RAG1: variants seen among roughly 807,000 people sequenced by gnomAD.
The protein encoded by RAG1 is recombination activating 1, also known as V(D)J recombination-activating protein 1.
A neutral mutation model predicts 62.7 loss-of-function variants in RAG1; 35 were observed. That is an observed-to-expected ratio of 0.56 (90% CI 0.43 to 0.74). The LOEUF (loss-of-function observed/expected upper bound fraction) is 0.74, where lower values mean the gene tolerates loss of function less well. Among genes scored for constraint, RAG1 ranks in the 30% least tolerant of loss-of-function variants. RAG1 has a pLI of 0.00. For synonymous variants in RAG1, 461 were observed against 470.3 expected (o/e 0.98, Z 0.26); for missense variants, 1,169 against 1,278.6 (o/e 0.91, Z 1.31).
At chr11:36,526,142 T>G (rs564286571) in intron 2 of RAG1, among the ~76,000 whole-genome samples, 1 of 152,276 alleles carries the variant, frequency 6.6e-6, no homozygotes, top group South Asian at 2.1e-4. Flanking sequence ...CGTGCAGGTT[T>G]GTTACATAGG....
intron 3 of RAG1, among the ~76,000 whole-genome samples, chr11:36,541,216 A>G (rs899737332): frequency 3.3e-5 from 5 of 152,178 alleles, no homozygotes; most frequent in African/African-American, 1.2e-4. Flanking sequence ...CAATCCTGCC[A>G]CCCACTGGGC....
At chr11:36,523,767 G>A (rs1467813438) in intron 2 of RAG1, among the ~76,000 whole-genome samples, 3 of 152,064 alleles carry the variant, frequency 2.0e-5, no homozygotes, top group African/African-American at 7.2e-5. Context: ...TCAATTTTGA[G>A]ATCATTGTAA....
Position 36,575,749 on chromosome 11 carries a change from AG to A in RAG1, c.2449del (p.Glu817LysfsTer28). 2 of 1,614,232 alleles carry A rather than the reference AG, an allele frequency of 1.2e-6. No homozygotes were observed. Among genetic ancestry groups the A allele is most frequent in the Non-Finnish European group, 1.7e-6 (2 of 1,180,018 alleles). On this transcript the variant is annotated frameshift_variant, in exon 2 of 2. Coordinates refer to ENST00000299440, the MANE Select transcript of RAG1 (RefSeq NM_000448.3). LOFTEE classifies it high-confidence loss of function. This position sits in a 1 kb window ranked among gnomAD's most constrained non-coding sequence, Gnocchi z 4.1. ...TCTACAAGATCTTCCAGCTAGAGAT[AG>A]GGGAAGTGTATAAGAATCCCAATGC... ...EFYKIFQLEI[G>X]EVYKNPNASK... is the part of the protein sequence containing the mutation.
chr11:36,550,195 T>C (rs1850462661), intron 3 of RAG1, among the ~76,000 whole-genome samples: 1 of 152,094 alleles, frequency 6.6e-6, no homozygotes, highest in African/African-American at 2.4e-5. Flanking sequence ...CAAACCACCA[T>C]GGCAAGTGTA....
chr11:36,575,176 T>A lies in RAG1; in HGVS notation c.1872T>A (p.Arg624=). The A allele has an allele frequency of 6.2e-7, 1 of 1,614,182 alleles. No homozygotes were observed. Residue 624 remains arginine, a synonymous_variant, in exon 2 of 2, where the codon CGT becomes CGA. Transcript: ENST00000299440. The surrounding 1 kb of genome is among the most constrained non-coding windows in gnomAD (Gnocchi z 4.1). ...SGPVVPEKAV[R]FSFTIMKITI... is the part of the protein sequence containing the mutation. ...CTGTAGTTCCAGAAAAGGCAGTCCG[T>A]TTTTCATTCACAATCATGAAAATTA...
chr11:36,547,075 C>T (rs1051564613), intron 3 of RAG1, among the ~76,000 whole-genome samples: 2 of 151,866 alleles, frequency 1.3e-5, no homozygotes, highest in African/African-American at 4.8e-5. Flanking sequence ...GTGGTGTTCT[C>T]TGTAGTTCCT....
chr11:36,566,050 CA>C (rs1323888286), upstream of RAG1, among the ~76,000 whole-genome samples: 1 of 151,610 alleles, frequency 6.6e-6, no homozygotes, highest in African/African-American at 2.4e-5. Flanking sequence ...AAAAATTGAG[CA>C]ATACAGAAAT....
chr11:36,578,832 A>C lies in RAG1; in HGVS notation c.*2396A>C, dbSNP rs1850891916. The C allele has an allele frequency of 6.0e-6, 1 of 167,092 alleles. No homozygotes were observed. Among genetic ancestry groups the C allele is most frequent in the South Asian group, 2.1e-4 (1 of 4,832 alleles). The allele number at this position is 167,092 out of a possible 1,614,324, so 10.4% of individuals were successfully genotyped here. On this transcript the variant is annotated 3_prime_UTR_variant, in exon 2 of 2. Coordinates refer to ENST00000299440, the MANE Select transcript of RAG1 (RefSeq NM_000448.3). ...TTTTAGCAATGCCTATTGCAAGTGC[A>C]ATTATATACTCCAGGGAAATTCACC...
intron 1 of RAG1, among the ~76,000 whole-genome samples, chr11:36,519,782 A>G (rs1860049737): frequency 6.6e-6 from 1 of 152,168 alleles, no homozygotes; most frequent in Non-Finnish European, 1.5e-5. Flanking sequence ...ATTGTCTTAA[A>G]AACCAAATGA....
intron 3 of RAG1, among the ~76,000 whole-genome samples, chr11:36,551,757 CT>C (rs1370513072): frequency 5.7e-4 from 78 of 137,880 alleles, no homozygotes; most frequent in African/African-American, 2.1e-3. Context: ...TCCCTCCCCC[CT>C]CCCCTGACCC....
Position 36,576,406 on chromosome 11 carries a change from T to C in RAG1, c.3102T>C (p.Ser1034=), listed in dbSNP as rs988983887. ...SLGDPLGIED[S]LESQDSMEF Reference sequence around the variant, plus strand: ...GGGACCCATTAGGCATAGAGGACTCTCTGGAAAGCCAAGATTCAATGGAAT... The same window carrying C: ...GGGACCCATTAGGCATAGAGGACTCCCTGGAAAGCCAAGATTCAATGGAAT... The change falls in exon 2 of 2, where the codon TCT becomes TCC. Residue 1034 remains serine (S), a synonymous_variant. Coordinates refer to ENST00000299440, the MANE Select transcript of RAG1 (RefSeq NM_000448.3). 1.2e-6 allele frequency: 2 copies of C among 1,614,178 alleles called. No homozygotes were observed. The highest frequency in any genetic ancestry group is 2.2e-5 in the East Asian group (1 of 44,890).
intron 2 of RAG1, among the ~76,000 whole-genome samples, chr11:36,532,461 A>C (rs2133257162): frequency 6.6e-6 from 1 of 152,144 alleles, no homozygotes; most frequent in East Asian, 1.9e-4. Flanking sequence ...ATTTCATTCA[A>C]TAGCATAATT....
At position 36,574,395 on chromosome 11, in the gene RAG1, A is replaced by G. The variant is rs186342720; in HGVS notation, c.1091A>G (p.Asn364Ser). ...LMVKCPAKEC[N>S]EEVSLEKYNH... is the part of the protein sequence containing the mutation. ...GTGAAATGTCCAGCAAAAGAGTGCA[A>G]TGAGGAGGTCAGTTTGGAAAAATAT... The change falls in exon 2 of 2, where the codon AAT becomes AGT. Residue 364 changes from asparagine to serine, a missense_variant. Asn to Ser is a conservative substitution (Grantham distance 46). Transcript: ENST00000299440. 135 of 1,614,198 alleles carry G rather than the reference A, an allele frequency of 8.4e-5. 1 individual carries two copies. Among genetic ancestry groups the G allele is most frequent in the Admixed American group, 1.7e-5 (1 of 60,018 alleles).
intron 3 of RAG1, among the ~76,000 whole-genome samples, chr11:36,544,103 G>T (rs958676761): frequency 6.6e-6 from 1 of 152,106 alleles, no homozygotes; most frequent in Non-Finnish European, 1.5e-5. Context: ...ACTTTTTTAG[G>T]GTAGGTACAA....
At chr11:36,546,635 A>G (rs2133269741) in intron 3 of RAG1, among the ~76,000 whole-genome samples, 1 of 152,190 alleles carries the variant, frequency 6.6e-6, no homozygotes, top group East Asian at 1.9e-4. Flanking sequence ...CTAGCTGGTT[A>G]TTTTGCCCAT....
chr11:36,575,850 T>C lies in RAG1; in HGVS notation c.2546T>C (p.Ile849Thr), dbSNP rs771140517. Residue 849 changes from isoleucine (I) to threonine (T), a missense_variant, in exon 2 of 2, where the codon ATC becomes ACC. Physicochemically the swap from Ile to Thr is moderately conservative, Grantham distance 89. Coordinates refer to ENST00000299440, the MANE Select transcript of RAG1 (RefSeq NM_000448.3). The surrounding 1 kb of genome is among the most constrained non-coding windows in gnomAD (Gnocchi z 4.1). The part of the protein sequence containing the change: ...HLRKKMNLKP[I>T]MRMNGNFARK... ...CGGAAGAAGATGAACCTCAAACCAATCATGAGGATGAATGGCAACTTTGCC... is the reference window on the plus strand; with the variant it reads ...CGGAAGAAGATGAACCTCAAACCAACCATGAGGATGAATGGCAACTTTGCC... The C allele has an allele frequency of 1.2e-6, 2 of 1,614,134 alleles. No individual in the cohort carries two copies. The highest frequency in any genetic ancestry group is 1.7e-6 in the Non-Finnish European group (2 of 1,180,034).
chr11:36,519,006 G>A (rs1257715537), intron 1 of RAG1, among the ~76,000 whole-genome samples: 1 of 152,154 alleles, frequency 6.6e-6, no homozygotes, highest in Admixed American at 6.5e-5. Flanking sequence ...CTACTTTCCT[G>A]AAGAAGATTC....
At chr11:36,515,229 G>A (rs936005024) in intron 1 of RAG1, among the ~76,000 whole-genome samples, 10 of 152,066 alleles carry the variant, frequency 6.6e-5, no homozygotes, top group Admixed American at 5.9e-4. Context: ...ATGTAGATAC[G>A]CTAACCTTTT....
chr11:36,531,222 T>C (rs1034640264), intron 2 of RAG1, among the ~76,000 whole-genome samples: 1 of 152,108 alleles, frequency 6.6e-6, no homozygotes, highest in African/African-American at 2.4e-5. Context: ...GTCCTTATTA[T>C]TATATTTGAA....
Sources: allele counts gnomAD v4.1 joint callset (sites outside exome capture counted in the v4.1 genomes callset), GRCh38; gene constraint gnomAD v4.1.1; non-coding constraint Gnocchi (gnomAD v3.1); transcripts MANE v1.5; gene names NCBI Gene and HGNC (gene_info 2026-07-23, HGNC 2026-07-21).